CCNY: variants seen among roughly 807,000 people sequenced by gnomAD.
CCNY encodes cyclin-Y.
A neutral mutation model predicts 42.8 loss-of-function variants in CCNY; 19 were observed. That is an observed-to-expected ratio of 0.44 (90% CI 0.31 to 0.65). The LOEUF (loss-of-function observed/expected upper bound fraction) is 0.65. Among genes scored for constraint, CCNY ranks in the 30% least tolerant of loss-of-function variants. The pLI is 0.07. For synonymous variants in CCNY, 165 were observed against 162.7 expected (o/e 1.01, Z -0.11); for missense variants, 370 against 437.3 (o/e 0.85, Z 1.37).
intron 1 of CCNY, among the ~76,000 whole-genome samples, chr10:35,400,662 A>G (rs1038300022): frequency 2.0e-5 from 3 of 152,202 alleles, no homozygotes; most frequent in African/African-American, 7.2e-5. Context: ...AATATTTATT[A>G]ATGGTGCAAT....
intron 2 of CCNY, among the ~76,000 whole-genome samples, chr10:35,484,599 TC>T (rs1340233179): frequency 6.6e-6 from 1 of 152,052 alleles, no homozygotes; most frequent in African/African-American, 2.4e-5. Context: ...AACATTTTTT[TC>T]CTCTGGTGAA....
chr10:35,349,187 G>A (rs1836376607), intron 1 of CCNY, among the ~76,000 whole-genome samples: 1 of 152,184 alleles, frequency 6.6e-6, no homozygotes. Context: ...AGGGATGGCT[G>A]TAGAGGTAAG....
At chr10:35,500,212 T>C (rs913778943) in intron 2 of CCNY, among the ~76,000 whole-genome samples, 6 of 152,264 alleles carry the variant, frequency 3.9e-5, no homozygotes, top group African/African-American at 1.4e-4. Context: ...TCCGATGGCT[T>C]GATGGAGCTG....
intron 1 of CCNY, among the ~76,000 whole-genome samples, chr10:35,426,566 T>C (rs903352726): frequency 6.6e-6 from 1 of 152,226 alleles, no homozygotes; most frequent in Non-Finnish European, 1.5e-5. Flanking sequence ...TAAAATGCTG[T>C]GTTTAGGAAG....
intron 2 of CCNY, among the ~76,000 whole-genome samples, chr10:35,499,265 T>G (rs759258803): frequency 6.6e-6 from 1 of 152,150 alleles, no homozygotes; most frequent in South Asian, 2.1e-4. Flanking sequence ...ACAGTCATGG[T>G]GGAAGGTATC....
chr10:35,509,310 C>G (rs1840275304), intron 3 of CCNY, among the ~76,000 whole-genome samples: 2 of 152,162 alleles, frequency 1.3e-5, no homozygotes. Flanking sequence ...GAGTCTTGCT[C>G]TGTCACCCAG....
At chr10:35,480,019 G>A (rs1017247123) in intron 1 of CCNY, among the ~76,000 whole-genome samples, 7 of 151,754 alleles carry the variant, frequency 4.6e-5, no homozygotes, top group Non-Finnish European at 1.0e-4. Context: ...CCCCAAGGAG[G>A]TAGAGTTCCC....
chr10:35,447,749 C>T (rs1331869667), intron 1 of CCNY, among the ~76,000 whole-genome samples: 1 of 152,126 alleles, frequency 6.6e-6, no homozygotes, highest in Non-Finnish European at 1.5e-5. Context: ...TCTTGGCTTC[C>T]TGTGATTTCT....
At chr10:35,455,894 C>T (rs1839023498) in intron 1 of CCNY, among the ~76,000 whole-genome samples, 1 of 147,210 alleles carries the variant, frequency 6.8e-6, no homozygotes, top group African/African-American at 2.5e-5. Context: ...TCATAGCTCA[C>T]TGAAGCCCCA....
chr10:35,290,665 A>T (rs1402643901), intron 3 of CCNY, among the ~76,000 whole-genome samples: 1 of 152,162 alleles, frequency 6.6e-6, no homozygotes, highest in Non-Finnish European at 1.5e-5. Flanking sequence ...ATACAATTTT[A>T]CATTACCACA....
At chr10:35,300,720 T>C (rs1835523730) in intron 3 of CCNY, among the ~76,000 whole-genome samples, 1 of 152,248 alleles carries the variant, frequency 6.6e-6, no homozygotes, top group East Asian at 1.9e-4. Context: ...TTAGAGCATT[T>C]TCAAAGTAAA....
intron 1 of CCNY, among the ~76,000 whole-genome samples, chr10:35,455,740 T>C (rs1460353822): frequency 6.6e-6 from 1 of 151,830 alleles, no homozygotes; most frequent in Non-Finnish European, 1.5e-5. Context: ...TTATTGAACA[T>C]TATTTATGTG....
intron 1 of CCNY, among the ~76,000 whole-genome samples, chr10:35,447,414 T>C (rs1182245915): frequency 6.6e-6 from 1 of 152,210 alleles, no homozygotes; most frequent in Non-Finnish European, 1.5e-5. Flanking sequence ...GAGAGCAATT[T>C]TTATTTATAT....
At chr10:35,555,906 T>C (rs1841354323) in intron 8 of CCNY, among the ~76,000 whole-genome samples, 2 of 152,238 alleles carry the variant, frequency 1.3e-5, no homozygotes, top group African/African-American at 4.8e-5. Flanking sequence ...TTGGATTTTT[T>C]TTCAAGTGCA....
intron 7 of CCNY, among the ~76,000 whole-genome samples, chr10:35,551,991 C>T (rs534811121): frequency 1.3e-5 from 2 of 152,164 alleles, no homozygotes; most frequent in Middle Eastern, 6.8e-3. Flanking sequence ...CATAGGATTA[C>T]CCTATGATCC....
At chr10:35,310,504 T>C (rs904693982) in intron 3 of CCNY, among the ~76,000 whole-genome samples, 2 of 152,236 alleles carry the variant, frequency 1.3e-5, no homozygotes, top group African/African-American at 2.4e-5. Context: ...TCCATGGCTG[T>C]ATTAACTCAC....
intron 3 of CCNY, among the ~76,000 whole-genome samples, chr10:35,296,352 G>T (rs1445359737): frequency 6.6e-6 from 1 of 152,202 alleles, no homozygotes; most frequent in African/African-American, 2.4e-5. Context: ...GGCCGAGGCA[G>T]GTGGATCACT....
intron 8 of CCNY, among the ~76,000 whole-genome samples, chr10:35,554,723 G>A (rs1841328763): frequency 6.6e-6 from 1 of 152,116 alleles, no homozygotes; most frequent in Non-Finnish European, 1.5e-5. Flanking sequence ...ACCATGACTA[G>A]GTGTGTCCAC....
chr10:35,507,379 C>T (rs1243461661), intron 3 of CCNY, among the ~76,000 whole-genome samples: 2 of 152,144 alleles, frequency 1.3e-5, no homozygotes, highest in East Asian at 1.9e-4. Context: ...TACCCTTTAG[C>T]CAGATTCATC....
Sources: allele counts gnomAD v4.1 joint callset (sites outside exome capture counted in the v4.1 genomes callset), GRCh38; gene constraint gnomAD v4.1.1; transcripts MANE v1.5; gene names NCBI Gene and HGNC (gene_info 2026-07-23, HGNC 2026-07-21).